The following HIVEP3 variants were observed in gnomAD, a reference collection of about 807,000 sequenced individuals.
The protein encoded by HIVEP3 is transcription factor HIVEP3.
Under a neutral mutation model 152.8 loss-of-function variants are expected in HIVEP3, and 49 were observed. The observed-to-expected ratio is 0.32, with a 90% confidence interval of 0.26 to 0.41. HIVEP3 has a LOEUF of 0.41. Ranked by LOEUF, HIVEP3 falls within the 10% of genes least tolerant of loss-of-function variation. HIVEP3 has a pLI of 1.00. For synonymous variants in HIVEP3, 1,269 were observed against 1,289.0 expected, an observed-to-expected ratio of 0.98 and a Z score of 0.33; for missense variants, 2,790 against 3,103.3, an observed-to-expected ratio of 0.90 and a Z score of 2.40.
At chr1:41,597,555 T>C (rs1644685073) in intron 3 of HIVEP3, among the ~76,000 whole-genome samples, 1 of 152,050 alleles carries the variant, frequency 6.6e-6, no homozygotes, top group African/African-American at 2.4e-5. Context: ...ATTTTACAGG[T>C]GAGGAAACTG....
At chr1:41,834,712 T>C (rs757627081) in intron 1 of HIVEP3, among the ~76,000 whole-genome samples, 7 of 152,176 alleles carry the variant, frequency 4.6e-5, no homozygotes, top group Admixed American at 1.3e-4. Flanking sequence ...CCTGACTTCA[T>C]AGAGCTTATT....
intron 2 of HIVEP3, among the ~76,000 whole-genome samples, chr1:41,679,894 G>T (rs892738489): frequency 6.6e-6 from 1 of 152,204 alleles, no homozygotes; most frequent in Non-Finnish European, 1.5e-5. Flanking sequence ...CATCTATCTG[G>T]AGGTCTGACT....
intron 1 of HIVEP3, among the ~76,000 whole-genome samples, chr1:41,731,297 T>C (rs1646835540): frequency 6.6e-6 from 1 of 152,106 alleles, no homozygotes; most frequent in Non-Finnish European, 1.5e-5. Flanking sequence ...CTTCACAGCC[T>C]ACCCCAGTGG....
chr1:41,830,082 G>A (rs557085663), intron 1 of HIVEP3, among the ~76,000 whole-genome samples: 30 of 152,292 alleles, frequency 2.0e-4, no homozygotes, highest in South Asian at 1.2e-3. Context: ...CATTGACCCC[G>A]TAGATTTGAA....
At chr1:41,839,389 C>T (rs987922214) in intron 1 of HIVEP3, among the ~76,000 whole-genome samples, 2 of 152,186 alleles carry the variant, frequency 1.3e-5, no homozygotes, top group East Asian at 3.8e-4. Context: ...TAAAGACCTG[C>T]AGTCCTAAGT....
intron 2 of HIVEP3, among the ~76,000 whole-genome samples, chr1:41,697,742 T>A (rs1040135597): frequency 1.3e-5 from 2 of 152,208 alleles, no homozygotes; most frequent in African/African-American, 4.8e-5. Flanking sequence ...GCCATCTCTA[T>A]CCCCACATGC....
intron 1 of HIVEP3, among the ~76,000 whole-genome samples, chr1:41,746,211 C>T (rs926782086): frequency 3.9e-5 from 6 of 152,206 alleles, no homozygotes; most frequent in Non-Finnish European, 5.9e-5. Flanking sequence ...AAAAAAAAAT[C>T]TTGCCATAAT....
chr1:42,018,128 C>T (rs1557563846), intron 1 of HIVEP3, among the ~76,000 whole-genome samples: 1 of 151,636 alleles, frequency 6.6e-6, no homozygotes, highest in Non-Finnish European at 1.5e-5. Context: ...GGTTACTTGC[C>T]TTTCTCATAT....
chr1:41,589,396 T>C (rs563276557), intron 3 of HIVEP3, among the ~76,000 whole-genome samples: 4 of 152,252 alleles, frequency 2.6e-5, no homozygotes, highest in Admixed American at 1.3e-4. Context: ...AGCAGCCCAA[T>C]AGGAAGGAGA....
At chr1:41,688,179 T>A (rs560925044) in intron 2 of HIVEP3, among the ~76,000 whole-genome samples, 28 of 152,306 alleles carry the variant, frequency 1.8e-4, no homozygotes, top group African/African-American at 6.0e-4. Flanking sequence ...GCCAAGCCGA[T>A]CTTCTTCAGT....
intron 1 of HIVEP3, among the ~76,000 whole-genome samples, chr1:41,748,573 C>T (rs1202554955): frequency 6.6e-6 from 1 of 152,238 alleles, no homozygotes; most frequent in Non-Finnish European, 1.5e-5. Context: ...TTAACATTTA[C>T]TGAGCACTTG....
intron 1 of HIVEP3, among the ~76,000 whole-genome samples, chr1:41,983,695 A>T (rs1290097857): frequency 6.6e-6 from 1 of 152,180 alleles, no homozygotes; most frequent in African/African-American, 2.4e-5. Flanking sequence ...ATGGGATGTC[A>T]GAGCTCAAAA....
At chr1:41,734,155 C>T (rs536137351) in intron 1 of HIVEP3, among the ~76,000 whole-genome samples, 2 of 152,206 alleles carry the variant, frequency 1.3e-5, no homozygotes, top group Non-Finnish European at 2.9e-5. Context: ...GGGGTGGGCT[C>T]TCTGAGGCTC....
chr1:41,578,434 A>AT (rs1644356280), intron 4 of HIVEP3, among the ~76,000 whole-genome samples: 4 of 152,256 alleles, frequency 2.6e-5, no homozygotes, highest in African/African-American at 9.6e-5. Context: ...TTTGGAAAAC[A>AT]GTTCTGTGAA....
intron 1 of HIVEP3, among the ~76,000 whole-genome samples, chr1:41,980,303 C>T (rs1645287285): frequency 6.6e-6 from 1 of 152,246 alleles, no homozygotes; most frequent in South Asian, 2.1e-4. Context: ...GTATAAACAG[C>T]CCAAATGTCT....
rs555676013 is a variant in HIVEP3, at chr1:41,615,330, C to T, written c.-522+13419G>A. On this transcript the variant is annotated intron_variant, in intron 3 of 8. Coordinates refer to ENST00000372583, the MANE Select transcript of HIVEP3 (RefSeq NM_024503.5). ...GGTTTATGTCCTGAACTTGGGAAAT[C>T]GGCCCGTCCCTCACCTTGGGATGCA... is the stretch of plus-strand genomic sequence containing the variant. Among the ~76,000 whole-genome samples the T allele has an allele frequency of 5.9e-5, 9 of 152,344 alleles. No homozygotes were observed. The East Asian group carries it at 1.3e-3, about 23-fold the overall frequency.
At chr1:41,660,053 C>T (rs920502264) in intron 2 of HIVEP3, among the ~76,000 whole-genome samples, 3 of 152,054 alleles carry the variant, frequency 2.0e-5, no homozygotes, top group African/African-American at 7.2e-5. Flanking sequence ...TGTAGAGGAG[C>T]AGGGTTGTGT....
In HIVEP3 at chr1:41,583,005, C is replaced by G. The variant is rs1250519478; in HGVS notation, c.1793G>C (p.Gly598Ala). 2 of 1,613,938 alleles carry G rather than the reference C, an allele frequency of 1.2e-6. No individual in the cohort carries two copies. The highest frequency in any genetic ancestry group is 2.7e-5 in the African/African-American group (2 of 74,862). The part of the protein sequence containing the change: ...KRQPAIELPL[G>A]GEYSSEEPGP... The stretch of plus-strand genomic sequence containing the variant: ...AGGCTCCTCAGAACTGTATTCCCCT[C>G]CCAAAGGTAATTCGATTGCCGGCTG... The change falls in exon 4 of 9, where the codon GGA becomes GCA. Residue 598 changes from glycine (G) to alanine (A), a missense_variant. Transcript: ENST00000372583. The surrounding 1 kb of genome is among the most constrained non-coding windows in gnomAD (Gnocchi z 6.9).
At chr1:41,705,594 G>T (rs912169809) in intron 1 of HIVEP3, among the ~76,000 whole-genome samples, 1 of 152,246 alleles carries the variant, frequency 6.6e-6, no homozygotes, top group African/African-American at 2.4e-5. Context: ...TAAAAGAGCA[G>T]GGGGTGCTGG....
Sources: gnomAD v4.1 joint callset for allele counts (sites outside exome capture counted in the v4.1 genomes callset) on GRCh38, gnomAD v4.1.1 for gene constraint, Gnocchi (gnomAD v3.1) non-coding constraint, MANE v1.5 for transcripts, NCBI Gene and HGNC (gene_info 2026-07-23, HGNC 2026-07-21) for gene names.